Variants in SLC4A5 observed in about 807,000 individuals in gnomAD.
The protein encoded by SLC4A5 is electrogenic sodium bicarbonate cotransporter 4.
In SLC4A5, 96 loss-of-function variants were observed where a neutral mutation model predicts 120.4. The ratio of observed to expected loss-of-function variants is 0.80; its 90% CI spans 0.68 to 0.94. The LOEUF is 0.94. Among genes scored for constraint, SLC4A5 ranks in the 40% least tolerant of loss-of-function variants. SLC4A5 has a pLI of 0.00. For synonymous variants in SLC4A5, 550 were observed against 571.1 expected (o/e 0.96, Z 0.53); for missense variants, 1,259 against 1,459.5 (o/e 0.86, Z 2.24).
chr2:74,231,134 T>C, intron 25 of SLC4A5, 102 bp downstream of exon 25: 2 of 1,035,768 alleles, frequency 1.9e-6, no homozygotes, highest in South Asian at 3.3e-5. Flanking sequence ...AGGGGGCTGA[T>C]AGGCCAGTGA....
chr2:74,242,524 C>T (rs1013303791), intron 19 of SLC4A5, among the ~76,000 whole-genome samples: 2 of 152,122 alleles, frequency 1.3e-5, no homozygotes, highest in Non-Finnish European at 2.9e-5. Context: ...AACTGAGGCC[C>T]AGAGAGGTTA....
intron 16 of SLC4A5, among the ~76,000 whole-genome samples, chr2:74,251,080 G>A (rs1183395899): frequency 6.6e-6 from 1 of 152,170 alleles, no homozygotes; most frequent in Non-Finnish European, 1.5e-5. Flanking sequence ...CCTTAGCATG[G>A]AGCAGAGTTT....
At chr2:74,275,051 A>G (rs901367043) in intron 8 of SLC4A5, among the ~76,000 whole-genome samples, 10 of 152,334 alleles carry the variant, frequency 6.6e-5, no homozygotes, top group African/African-American at 2.4e-4. Context: ...CCTTTGAATG[A>G]AAGTCTTTCC....
intron 7 of SLC4A5, among the ~76,000 whole-genome samples, chr2:74,304,050 C>T (rs924466741): frequency 6.6e-6 from 1 of 151,880 alleles, no homozygotes; most frequent in African/African-American, 2.4e-5. Context: ...GGGGTTTCAC[C>T]GTTTTAGCCG....
At chr2:74,293,592 C>T (rs1166496987) in intron 7 of SLC4A5, among the ~76,000 whole-genome samples, 4 of 152,152 alleles carry the variant, frequency 2.6e-5, no homozygotes, top group African/African-American at 7.2e-5. Context: ...AGCCTAGAGG[C>T]GAAGCTGTGG....
At chr2:74,237,185 C>T (rs544005041) in intron 21 of SLC4A5, among the ~76,000 whole-genome samples, 122 of 152,230 alleles carry the variant, frequency 8.0e-4, no homozygotes, top group Non-Finnish European at 1.4e-3. Flanking sequence ...ACCATGTTAG[C>T]CAGGATGGTC....
At chr2:74,237,171 A>T (rs1389938340) in intron 21 of SLC4A5, among the ~76,000 whole-genome samples, 2 of 151,838 alleles carry the variant, frequency 1.3e-5, no homozygotes, top group Non-Finnish European at 2.9e-5. Context: ...AGAGACGGGG[A>T]TTCACCATGT....
At chr2:74,251,096 C>A (rs1016321814) in intron 16 of SLC4A5, among the ~76,000 whole-genome samples, 1 of 152,164 alleles carries the variant, frequency 6.6e-6, no homozygotes, top group Non-Finnish European at 1.5e-5. Flanking sequence ...AGTTTCTCAA[C>A]CTCAGTTCTG....
intron 6 of SLC4A5, chr2:74,308,018 G>T: frequency 1.9e-6 from 1 of 537,568 alleles, no homozygotes; most frequent in Non-Finnish European, 3.7e-6. Flanking sequence ...TGCTGTCCGG[G>T]GAGGAGAGTG....
intron 7 of SLC4A5, among the ~76,000 whole-genome samples, chr2:74,298,299 G>A (rs1369329243): frequency 6.6e-6 from 1 of 152,182 alleles, no homozygotes; most frequent in East Asian, 1.9e-4. Flanking sequence ...TCTGACAAGA[G>A]TGGTAAGAAT....
At chr2:74,298,439 T>A (rs1251979236) in intron 7 of SLC4A5, among the ~76,000 whole-genome samples, 1 of 152,164 alleles carries the variant, frequency 6.6e-6, no homozygotes, top group Non-Finnish European at 1.5e-5. Flanking sequence ...GATTAAAGGC[T>A]TAAATGTAAG....
chr2:74,341,687 T>C (rs1365192527), intron 2 of SLC4A5, among the ~76,000 whole-genome samples: 1 of 152,174 alleles, frequency 6.6e-6, no homozygotes, highest in Non-Finnish European at 1.5e-5. Context: ...CTGGGTGGCT[T>C]GAATTGACTC....
chr2:74,258,853 T>G (rs1671049056), intron 12 of SLC4A5, among the ~76,000 whole-genome samples: 1 of 152,204 alleles, frequency 6.6e-6, no homozygotes, highest in Non-Finnish European at 1.5e-5. Flanking sequence ...TCCACCAAAC[T>G]TAGGGGTGGC....
chr2:74,227,134 G>A lies in SLC4A5; in HGVS notation c.2917-4C>T. The A allele has an allele frequency of 2.5e-6, 4 of 1,601,518 alleles. No homozygotes were observed. Among genetic ancestry groups the A allele is most frequent in the Admixed American group, 1.7e-5 (1 of 57,440 alleles). The stretch of plus-strand genomic sequence containing the variant: ...AGAGCTTGCAGCGTTCCCAGAACTA[G>A]GGGGACAGCGGGGGCTCAGCCAGGC... On this transcript the variant is annotated splice_polypyrimidine_tract_variant and splice_region_variant and intron_variant, in intron 26 of 30. Transcript: ENST00000394019.
intron 8 of SLC4A5, 106 bp from the exon 9 acceptor site, chr2:74,265,370 G>A: frequency 1.5e-6 from 2 of 1,374,100 alleles, no homozygotes; most frequent in South Asian, 2.7e-5. Flanking sequence ...CTATGTATGT[G>A]GTTGTGGTGT....
At chr2:74,220,163 C>CT (rs1333767326) in intron 30 of SLC4A5, among the ~76,000 whole-genome samples, 1 of 152,182 alleles carries the variant, frequency 6.6e-6, no homozygotes, top group Non-Finnish European at 1.5e-5. Flanking sequence ...GAAGTAAAGC[C>CT]TTTCTTGCCT....
intron 19 of SLC4A5, 64 bp from the exon 20 acceptor site, chr2:74,242,116 AC>A: frequency 1.4e-6 from 2 of 1,449,404 alleles, no homozygotes; most frequent in Non-Finnish European, 1.9e-6. Flanking sequence ...TGCATTCCCA[AC>A]CCCTTCCCAT....
rs142065074 is a variant in SLC4A5, at chr2:74,276,013, T to G, written c.401+9760A>C. Among the ~76,000 whole-genome samples the G allele has an allele frequency of 4.6e-5, 7 of 152,348 alleles. No individual in the cohort carries two copies. The East Asian group carries it at 1.3e-3, about 29-fold the overall frequency. On this transcript the variant is annotated intron_variant, in intron 8 of 30. Transcript: ENST00000394019. ...TGCCTGCTTTATACCAGATTGGGGT[T>G]GAAATATCATGTCTCATGGGCTCCA...
chr2:74,318,245 C>A (rs1673014230), intron 5 of SLC4A5, among the ~76,000 whole-genome samples: 1 of 152,038 alleles, frequency 6.6e-6, no homozygotes, highest in Non-Finnish European at 1.5e-5. Flanking sequence ...AAAAAGTGGG[C>A]AAAGGACATG....
Sources: allele counts gnomAD v4.1 joint callset (sites outside exome capture counted in the v4.1 genomes callset), GRCh38; gene constraint gnomAD v4.1.1; transcripts MANE v1.5; gene names NCBI Gene and HGNC (gene_info 2026-07-23, HGNC 2026-07-21).